ARID1B: variants seen among roughly 807,000 people sequenced by gnomAD.
The protein encoded by ARID1B is AT-rich interaction domain 1B.
ARID1B carries 30 observed loss-of-function variants against 212.3 expected under a neutral mutation model. That is an observed-to-expected ratio of 0.14 (90% CI 0.11 to 0.19). The LOEUF (loss-of-function observed/expected upper bound fraction) is 0.19. ARID1B is among the 10% of genes least tolerant of loss of function. The pLI is 1.00. For missense variants in ARID1B, 2,891 were observed against 3,204.0 expected (o/e 0.90, Z 2.36); for synonymous variants, 1,402 against 1,301.7 (o/e 1.08, Z -1.66).
intron 13 of ARID1B, among the ~76,000 whole-genome samples, chr6:157,188,511 T>C (rs1049548141): frequency 1.3e-5 from 2 of 152,214 alleles, no homozygotes; most frequent in African/African-American, 4.8e-5. Context: ...TAGAGTAAAA[T>C]GTGAATAATG....
chr6:157,110,728 G>C (rs548949717), intron 6 of ARID1B, 167 bp downstream of exon 6: 2 of 697,174 alleles, frequency 2.9e-6, no homozygotes, highest in South Asian at 3.7e-5. Flanking sequence ...TGGAGAGGAG[G>C]GAGGATGCTT....
intron 1 of ARID1B, among the ~76,000 whole-genome samples, chr6:156,811,648 C>T (rs963069761): frequency 6.6e-6 from 1 of 152,152 alleles, no homozygotes; most frequent in African/African-American, 2.4e-5. Flanking sequence ...CATGCCTGTA[C>T]CAGAAGCCTG....
At chr6:156,938,542 A>G (rs1238289915) in intron 4 of ARID1B, 1 of 152,246 alleles carries the variant, frequency 6.6e-6, no homozygotes, top group East Asian at 1.9e-4. Flanking sequence ...TGTACCATTT[A>G]TGAAATGCAA....
intron 4 of ARID1B, among the ~76,000 whole-genome samples, chr6:156,981,747 ATACTT>A (rs1470718632): frequency 6.6e-6 from 1 of 152,128 alleles, no homozygotes; most frequent in African/African-American, 2.4e-5. Context: ...GCATTATACT[ATACTT>A]ATACTGTAAT....
chr6:157,049,906 T>C (rs181197630), intron 4 of ARID1B, among the ~76,000 whole-genome samples: 2 of 152,228 alleles, frequency 1.3e-5, no homozygotes, highest in African/African-American at 4.8e-5. Context: ...TAAGTGTCTT[T>C]TCTTCAGTCA....
intron 11 of ARID1B, among the ~76,000 whole-genome samples, chr6:157,179,853 G>C (rs1181501399): frequency 6.6e-6 from 1 of 152,050 alleles, no homozygotes; most frequent in Non-Finnish European, 1.5e-5. Flanking sequence ...AGCCTCAATG[G>C]CAGTCATGTT....
chr6:156,835,239 C>CAA (rs58070286), intron 2 of ARID1B, among the ~76,000 whole-genome samples: 14,889 of 107,452 alleles, frequency 0.14, 1,232 homozygotes, highest in Non-Finnish European at 0.19. Flanking sequence ...GACTCTGTCA[C>CAA]AAAAAAAAAA....
intron 1 of ARID1B, among the ~76,000 whole-genome samples, chr6:156,824,845 C>T (rs1016543963): frequency 2.2e-4 from 34 of 151,970 alleles, no homozygotes; most frequent in African/African-American, 8.2e-4. Context: ...CTTTTGTTTT[C>T]CAGAAGTCTT....
Position 156,779,422 on chromosome 6 carries a change from A to C in ARID1B, c.1742A>C (p.His581Pro), listed in dbSNP as rs763825843. Residue 581 changes from histidine (H) to proline (P), a missense_variant, in exon 1 of 20, where the codon CAC becomes CCC. Around this residue, in one of 7 missense-constraint regions of ARID1B, gnomAD observed 1,643 missense variants for 1,544.0 expected, o/e 1.06. Transcript: ENST00000636930. The stretch of plus-strand genomic sequence containing the variant: ...TGGGCGGCCGCGCAACAAAGGAGTC[A>C]CCCGGCGATGAGCCCCGGCACCCCC... ...PAWAAAQQRSHPAMSPGTPGP... is the reference protein window; with the variant it reads ...PAWAAAQQRSPPAMSPGTPGP... The C allele has an allele frequency of 6.8e-7, 1 of 1,463,890 alleles. No homozygotes were observed. Among genetic ancestry groups the C allele is most frequent in the South Asian group, 1.3e-5 (1 of 79,944 alleles). 90.7% of individuals were successfully genotyped at this position (1,463,890 alleles called of 1,614,324 possible). A position where few individuals can be genotyped will look rare whatever the true frequency, so the allele number is the denominator to read the frequency against.
At chr6:157,087,757 T>C (rs1487069841) in intron 5 of ARID1B, among the ~76,000 whole-genome samples, 6 of 151,272 alleles carry the variant, frequency 4.0e-5, no homozygotes, top group Admixed American at 2.0e-4. Context: ...GAGCTAGCCA[T>C]GAAAGCATAA....
intron 2 of ARID1B, among the ~76,000 whole-genome samples, chr6:156,898,991 TA>T (rs1182367299): frequency 6.6e-6 from 1 of 152,162 alleles, no homozygotes; most frequent in African/African-American, 2.4e-5. Context: ...AACAAAGAGT[TA>T]GACTTTAGCT....
intron 4 of ARID1B, among the ~76,000 whole-genome samples, chr6:156,973,811 T>A (rs3734437): frequency 0.027 from 4,076 of 152,294 alleles, 260 homozygotes; most frequent in East Asian, 0.25. Context: ...CGAATTTATT[T>A]AAAAATTTCC....
chr6:156,931,445 C>G (rs779959900), intron 3 of ARID1B, among the ~76,000 whole-genome samples: 3 of 152,028 alleles, frequency 2.0e-5, no homozygotes, highest in Non-Finnish European at 2.9e-5. Context: ...TGTTTTCCTC[C>G]TGGTCATGTT....
intron 4 of ARID1B, among the ~76,000 whole-genome samples, chr6:157,016,498 T>G (rs984346178): frequency 2.0e-5 from 3 of 152,238 alleles, no homozygotes; most frequent in Admixed American, 2.0e-4. Context: ...TGTTGTTTCC[T>G]TATAACTTGG....
chr6:156,825,397 G>C (rs1237345083), intron 1 of ARID1B, among the ~76,000 whole-genome samples: 1 of 152,222 alleles, frequency 6.6e-6, no homozygotes, highest in Non-Finnish European at 1.5e-5. Context: ...GAGAGGTTCA[G>C]ATAATCTGTG....
At chr6:157,132,899 T>A (rs1583367940) in intron 6 of ARID1B, 129 bp from the exon 7 acceptor site, 2 of 1,042,210 alleles carry the variant, frequency 1.9e-6, no homozygotes, top group Non-Finnish European at 2.7e-6. Flanking sequence ...TCTTTAGCTA[T>A]TTTTTAGGAG....
intron 8 of ARID1B, among the ~76,000 whole-genome samples, chr6:157,155,226 C>T (rs1358379624): frequency 6.6e-6 from 1 of 152,178 alleles, no homozygotes; most frequent in African/African-American, 2.4e-5. Flanking sequence ...CTGTCCTTTT[C>T]ACCATTTGAG....
chr6:157,176,418 A>G (rs1476663566), intron 11 of ARID1B, among the ~76,000 whole-genome samples: 3 of 152,192 alleles, frequency 2.0e-5, no homozygotes, highest in Admixed American at 6.5e-5. Flanking sequence ...TCTTTTTTTA[A>G]TAGGAAAAGC....
intron 5 of ARID1B, among the ~76,000 whole-genome samples, chr6:157,087,607 G>C (rs574847095): frequency 6.6e-6 from 1 of 152,300 alleles, no homozygotes; most frequent in Admixed American, 6.5e-5. Flanking sequence ...GACAATTACT[G>C]TTCAGAGTTG....
Sources: allele counts gnomAD v4.1 joint callset (sites outside exome capture counted in the v4.1 genomes callset), GRCh38; gene constraint gnomAD v4.1.1; regional missense constraint gnomAD v4.1.1; transcripts MANE v1.5; gene names NCBI Gene and HGNC (gene_info 2026-07-23, HGNC 2026-07-21).